Variants in ABCC11 observed in about 807,000 individuals in gnomAD.
ABCC11 encodes ATP binding cassette subfamily C member 11, also known as ATP-binding cassette sub-family C member 11.
ABCC11 carries 135 observed loss-of-function variants against 149.3 expected under a neutral mutation model. The ratio of observed to expected loss-of-function variants is 0.90; its 90% CI spans 0.79 to 1.04. The LOEUF is 1.04. Among genes scored for constraint, ABCC11 ranks in the 50% least tolerant of loss-of-function variants. The pLI is 0.00. For missense variants in ABCC11, 1,680 were observed against 1,722.1 expected (o/e 0.98, Z 0.43); for synonymous variants, 665 against 671.4 (o/e 0.99, Z 0.15).
chr16:48,198,567 C>G (rs1399270677), intron 15 of ABCC11, among the ~76,000 whole-genome samples: 2 of 151,584 alleles, frequency 1.3e-5, no homozygotes, highest in Non-Finnish European at 2.9e-5. Context: ...GATTCGACTC[C>G]TAAAACCCTA....
chr16:48,200,569 C>A, intron 14 of ABCC11, 90 bp from the exon 15 acceptor site: 2 of 1,358,296 alleles, frequency 1.5e-6, no homozygotes. Context: ...AGACAGAACC[C>A]CCTCAGTACA....
At chr16:48,222,928 T>C in intron 5 of ABCC11, 97 bp from the exon 6 acceptor site, 1 of 1,055,418 alleles carries the variant, frequency 9.5e-7, no homozygotes, top group Non-Finnish European at 1.4e-6. Context: ...TGATTCATGC[T>C]GGGGGTTTGT....
chr16:48,244,389 A>C (rs745524521), intron 1 of ABCC11: 1 of 1,542,024 alleles, frequency 6.5e-7, no homozygotes, highest in Non-Finnish European at 8.7e-7. Context: ...GGCTGCCAGC[A>C]TGTCATCAGT....
chr16:48,189,856 C>T (rs931355465), intron 20 of ABCC11, among the ~76,000 whole-genome samples: 15 of 152,192 alleles, frequency 9.9e-5, no homozygotes, highest in Non-Finnish European at 1.9e-4. Flanking sequence ...CATGGCAACA[C>T]AATTTGCATT....
intron 1 of ABCC11, among the ~76,000 whole-genome samples, chr16:48,235,622 CA>C (rs1205640122): frequency 6.6e-6 from 1 of 152,214 alleles, no homozygotes; most frequent in Non-Finnish European, 1.5e-5. Context: ...GAATTCCCTC[CA>C]GAACCTTCCT....
intron 12 of ABCC11, among the ~76,000 whole-genome samples, chr16:48,207,272 CA>C (rs1299045573): frequency 1.3e-5 from 2 of 152,062 alleles, no homozygotes; most frequent in African/African-American, 2.4e-5. Context: ...GGAATGTGAC[CA>C]AAAATGCATA....
Position 48,211,205 on chromosome 16 carries a change from A to C in ABCC11, c.1357-6T>G. 1 of 1,612,638 alleles carries C rather than the reference A, an allele frequency of 6.2e-7. No homozygotes were observed. The highest frequency in any genetic ancestry group is 8.5e-7 in the Non-Finnish European group (1 of 1,179,316). On this transcript the variant is annotated splice_polypyrimidine_tract_variant and splice_region_variant and intron_variant, in intron 10 of 29. Coordinates refer to ENST00000356608, the MANE Select transcript of ABCC11 (RefSeq NM_001370497.1). ...CTCTCCTGGAGGAAAAACTTCTGTAAAGACAGAAAAAAATAGAGGGAGGAG... is the reference window on the plus strand; with the variant it reads ...CTCTCCTGGAGGAAAAACTTCTGTACAGACAGAAAAAAATAGAGGGAGGAG...
chr16:48,225,184 G>A (rs901744243), intron 4 of ABCC11, among the ~76,000 whole-genome samples: 2 of 152,140 alleles, frequency 1.3e-5, no homozygotes, highest in African/African-American at 4.8e-5. Context: ...CTGCACTCCA[G>A]CCTGGGCGAC....
In ABCC11 at chr16:48,178,637, G is replaced by A; in HGVS notation, c.3308C>T (p.Ala1103Val). 1 of 1,614,132 alleles carries A rather than the reference G, an allele frequency of 6.2e-7. No homozygotes were observed. Among genetic ancestry groups the A allele is most frequent in the Non-Finnish European group, 8.5e-7 (1 of 1,180,030 alleles). The change falls in exon 24 of 30, where the codon GCA becomes GTA. Residue 1103 changes from alanine to valine, a missense_variant. Ala to Val is a moderately conservative substitution (Grantham distance 64). Coordinates refer to ENST00000356608, the MANE Select transcript of ABCC11 (RefSeq NM_001370497.1). ...TATCCTCTCTACAGCCGTGAACTGT[G>A]CCTCTGTCTCCAAGCCAATCCGGGC... ...ATARIGLETEAQFTAVERILQ... is the reference protein window; with the variant it reads ...ATARIGLETEVQFTAVERILQ...
At position 48,184,485 on chromosome 16, in the gene ABCC11, G is replaced by A; in HGVS notation, c.3213C>T (p.Ser1071=). 6.2e-7 allele frequency: 1 copy of A among 1,614,200 alleles called. No individual in the cohort carries two copies. The highest frequency in any genetic ancestry group is 8.5e-7 in the Non-Finnish European group (1 of 1,180,024). The change falls in exon 23 of 30, where the codon TCC becomes TCT. Residue 1071 remains serine, a synonymous_variant. Coordinates refer to ENST00000356608, the MANE Select transcript of ABCC11 (RefSeq NM_001370497.1). ...VALFVAFGIS[S]TPYSFKVMAV... ...CCATGACTTTAAAGGAGTAGGGGGTGGAGGAAATGCCAAAAGCCACGAACA... is the reference window on the plus strand; with the variant it reads ...CCATGACTTTAAAGGAGTAGGGGGTAGAGGAAATGCCAAAAGCCACGAACA...
At chr16:48,208,915 C>T (rs193104187) in intron 11 of ABCC11, among the ~76,000 whole-genome samples, 14 of 152,300 alleles carry the variant, frequency 9.2e-5, no homozygotes, top group Middle Eastern at 3.4e-3. Flanking sequence ...TTCATTCACC[C>T]ATCAAATAGT....
chr16:48,224,641 G>A (rs1164717661), intron 4 of ABCC11, among the ~76,000 whole-genome samples: 1 of 152,084 alleles, frequency 6.6e-6, no homozygotes, highest in Non-Finnish European at 1.5e-5. Context: ...TTTGTTTCCT[G>A]GAGGATTTGA....
In ABCC11 at chr16:48,187,088, A is replaced by T. The variant is rs1343894167; in HGVS notation, c.2936T>A (p.Met979Lys). 1.2e-6 allele frequency: 2 copies of T among 1,614,084 alleles called. No homozygotes were observed. The highest frequency in any genetic ancestry group is 1.7e-6 in the Non-Finnish European group (2 of 1,180,024). ...IMVICFIYYMMFKKAIGVFKR... is the reference protein window; with the variant it reads ...IMVICFIYYMKFKKAIGVFKR... ...GAACACACCGATGGCCTTCTTGAAC[A>T]TCCTGCATGGACAGTGGAGGTAAGG... The change falls in exon 22 of 30, where the codon ATG becomes AAG. Residue 979 changes from methionine (M) to lysine (K), a missense_variant and splice_region_variant. Coordinates refer to ENST00000356608, the MANE Select transcript of ABCC11 (RefSeq NM_001370497.1).
Position 48,166,583 on chromosome 16 carries a change from A to C in ABCC11, c.*691T>G, listed in dbSNP as rs1965349867. Among the ~76,000 whole-genome samples, 1 of 152,208 alleles carries C rather than the reference A, an allele frequency of 6.6e-6. No homozygotes were observed. Among genetic ancestry groups the C allele is most frequent in the Non-Finnish European group, 1.5e-5 (1 of 68,020 alleles). On this transcript the variant is annotated 3_prime_UTR_variant, in exon 30 of 30. Transcript: ENST00000356608. ...TGAATAAGTACTAGCTAACGTAAAA[A>C]GCAGAATGAAGATGGCTGGGTGCAG... is the stretch of plus-strand genomic sequence containing the variant.
intron 5 of ABCC11, among the ~76,000 whole-genome samples, chr16:48,223,280 T>C (rs1235191904): frequency 4.6e-5 from 7 of 152,070 alleles, no homozygotes; most frequent in Non-Finnish European, 1.0e-4. Flanking sequence ...GGACAGGAGC[T>C]CTGGTCACCA....
At chr16:48,231,789 T>G in intron 2 of ABCC11, 34 bp downstream of exon 2, 1 of 1,605,926 alleles carries the variant, frequency 6.2e-7, no homozygotes, top group South Asian at 1.1e-5. Context: ...CCAACTCAGT[T>G]TCCTGGTGTG....
chr16:48,217,946 T>C (rs1596806162), intron 6 of ABCC11, among the ~76,000 whole-genome samples: 1 of 152,308 alleles, frequency 6.6e-6, no homozygotes, highest in Admixed American at 6.5e-5. Flanking sequence ...ATTACAGCAC[T>C]GCTTACACCA....
intron 26 of ABCC11, among the ~76,000 whole-genome samples, chr16:48,171,832 G>A (rs980334058): frequency 2.0e-5 from 3 of 152,204 alleles, no homozygotes; most frequent in Admixed American, 2.0e-4. Context: ...GCACAGTGAT[G>A]CAAGCCTGTA....
Position 48,230,585 on chromosome 16 carries a change from A to G in ABCC11, c.100-12T>C. 6.4e-7 allele frequency: 1 copy of G among 1,551,346 alleles called. No homozygotes were observed. The highest frequency in any genetic ancestry group is 2.3e-5 in the East Asian group (1 of 42,640). On this transcript the variant is annotated splice_polypyrimidine_tract_variant and intron_variant, in intron 2 of 29. Transcript: ENST00000356608. ...AGAGTATAGGTTTTCTTGGAAAAGA[A>G]AAACAAAAGAGCATCAGTTTCAAAT... is the stretch of plus-strand genomic sequence containing the variant.
Sources: allele counts gnomAD v4.1 joint callset (sites outside exome capture counted in the v4.1 genomes callset), GRCh38; gene constraint gnomAD v4.1.1; transcripts MANE v1.5; gene names NCBI Gene and HGNC (gene_info 2026-07-23, HGNC 2026-07-21).